The following TBC1D19 variants were observed in gnomAD, a reference collection of about 807,000 sequenced individuals.
TBC1D19 encodes TBC1 domain family member 19.
TBC1D19 carries 60 observed loss-of-function variants against 89.0 expected under a neutral mutation model. The observed-to-expected ratio is 0.67, with a 90% confidence interval of 0.55 to 0.84. The LOEUF (loss-of-function observed/expected upper bound fraction) is 0.84, where lower values mean the gene tolerates loss of function less well. Among genes scored for constraint, TBC1D19 ranks in the 40% least tolerant of loss-of-function variants. The pLI, the probability that TBC1D19 is intolerant of heterozygous loss-of-function variation, is 0.00. For synonymous variants in TBC1D19, 189 were observed against 199.7 expected (o/e 0.95, Z 0.45); for missense variants, 500 against 610.8 (o/e 0.82, Z 1.91).
At chr4:26,738,736 C>G (rs1172467421) in intron 16 of TBC1D19, among the ~76,000 whole-genome samples, 2 of 152,012 alleles carry the variant, frequency 1.3e-5, no homozygotes, top group African/African-American at 4.8e-5. Flanking sequence ...TAAAAATTCT[C>G]ACTTGCAATG....
chr4:26,635,598 T>C (rs1305971542), intron 4 of TBC1D19, among the ~76,000 whole-genome samples: 1 of 152,160 alleles, frequency 6.6e-6, no homozygotes, highest in East Asian at 1.9e-4. Flanking sequence ...AGAAGAATTT[T>C]TTCTGTTCAG....
At chr4:26,633,040 A>G (rs1742895985) in intron 4 of TBC1D19, among the ~76,000 whole-genome samples, 1 of 152,042 alleles carries the variant, frequency 6.6e-6, no homozygotes, top group Non-Finnish European at 1.5e-5. Flanking sequence ...AATCTCTTTC[A>G]TTATTTCCTT....
the TBC1D19 span, among the ~76,000 whole-genome samples, chr4:26,800,886 C>A: frequency 1.3e-5 from 2 of 152,244 alleles, no homozygotes; most frequent in Non-Finnish European, 2.9e-5. Context: ...TGTTTGAGTT[C>A]ATTGTAGATT....
At chr4:26,671,932 A>C (rs1049524626) in intron 9 of TBC1D19, among the ~76,000 whole-genome samples, 1 of 151,822 alleles carries the variant, frequency 6.6e-6, no homozygotes, top group Non-Finnish European at 1.5e-5. Context: ...TTCATTCATC[A>C]ATTTTTTTGT....
At chr4:26,813,158 T>C in the TBC1D19 span, among the ~76,000 whole-genome samples, 10 of 152,022 alleles carry the variant, frequency 6.6e-5, no homozygotes, top group African/African-American at 2.4e-4. Context: ...AGGTTGAGGT[T>C]GCAGTGAACA....
chr4:26,682,891 A>G (rs969225851), intron 11 of TBC1D19, among the ~76,000 whole-genome samples: 8 of 151,582 alleles, frequency 5.3e-5, no homozygotes, highest in African/African-American at 1.9e-4. Context: ...GCCTAATCTC[A>G]TCGTTGTGCA....
chr4:26,807,637 C>CTGCA, the TBC1D19 span, among the ~76,000 whole-genome samples: 1 of 152,238 alleles, frequency 6.6e-6, no homozygotes, highest in Non-Finnish European at 1.5e-5. Flanking sequence ...TCTCTCCCAT[C>CTGCA]TGCATGTGGC....
chr4:26,708,610 G>A (rs1035558254), intron 13 of TBC1D19, among the ~76,000 whole-genome samples: 5 of 151,802 alleles, frequency 3.3e-5, no homozygotes, highest in African/African-American at 9.7e-5. Context: ...CTTGCATATC[G>A]GTTGGCTTGA....
chr4:26,725,203 T>C (rs1375390170), intron 15 of TBC1D19, among the ~76,000 whole-genome samples: 1 of 152,176 alleles, frequency 6.6e-6, no homozygotes, highest in African/African-American at 2.4e-5. Context: ...TAAAATGCCA[T>C]ATGCTCTCTT....
At chr4:26,626,029 T>A (rs1742373256) in intron 4 of TBC1D19, among the ~76,000 whole-genome samples, 2 of 152,176 alleles carry the variant, frequency 1.3e-5, no homozygotes. Flanking sequence ...GGGAGGGGTA[T>A]CTACATAAAT....
At chr4:26,762,522 A>G in the TBC1D19 span, among the ~76,000 whole-genome samples, 1 of 152,128 alleles carries the variant, frequency 6.6e-6, no homozygotes, top group Non-Finnish European at 1.5e-5. Flanking sequence ...AGTACCCCCT[A>G]TGAAAATAGA....
intron 15 of TBC1D19, among the ~76,000 whole-genome samples, chr4:26,729,671 G>A (rs1717529651): frequency 6.6e-6 from 1 of 152,146 alleles, no homozygotes; most frequent in Admixed American, 6.5e-5. Context: ...ATACTACGGA[G>A]AGTATGGAGT....
chr4:26,805,526 G>C, the TBC1D19 span, among the ~76,000 whole-genome samples: 9 of 152,130 alleles, frequency 5.9e-5, no homozygotes, highest in African/African-American at 1.9e-4. Context: ...ATCTTCTTCA[G>C]GGTATCCTCA....
chr4:26,809,295 C>A, the TBC1D19 span, among the ~76,000 whole-genome samples: 1 of 152,302 alleles, frequency 6.6e-6, no homozygotes, highest in African/African-American at 2.4e-5. Flanking sequence ...GCTAGGGCTT[C>A]CTTGGCCTCT....
intron 7 of TBC1D19, among the ~76,000 whole-genome samples, chr4:26,646,532 A>AT (rs1276051804): frequency 1.3e-5 from 2 of 152,248 alleles, no homozygotes; most frequent in African/African-American, 2.4e-5. Context: ...TTGCGGTACT[A>AT]TTCACAATAG....
rs984518220 is a variant in TBC1D19 at position 26,642,806 on chromosome 4, A to T, written c.480+2619A>T. ...CTAGTCTCTGATAAAACAGACTTTA[A>T]ACAAACAAAGATCAAAAGAGACAAA... is the stretch of plus-strand genomic sequence containing the variant. On this transcript the variant is annotated intron_variant, in intron 7 of 20. Coordinates refer to ENST00000264866, the MANE Select transcript of TBC1D19 (RefSeq NM_018317.4). 9.7e-5 allele frequency among the ~76,000 whole-genome samples: 13 copies of T among 133,534 alleles called. No homozygotes were observed. The East Asian group carries it at 1.4e-3, about 14-fold the overall frequency. The allele number at this position is 133,534 out of a possible 152,430, so 87.6% of individuals were successfully genotyped here. A position where few individuals can be genotyped will look rare whatever the true frequency, so the allele number is the denominator to read the frequency against.
At chr4:26,649,336 T>G (rs1368952504) in intron 7 of TBC1D19, among the ~76,000 whole-genome samples, 4 of 152,124 alleles carry the variant, frequency 2.6e-5, no homozygotes, top group Non-Finnish European at 5.9e-5. Context: ...TTTTTCCCAA[T>G]ACCCCCAGCA....
chr4:26,776,882 C>T, the TBC1D19 span, among the ~76,000 whole-genome samples: 47 of 152,122 alleles, frequency 3.1e-4, 1 homozygote, highest in South Asian at 8.5e-3. Flanking sequence ...TTTTCCTTTT[C>T]ATTAAGCCAA....
chr4:26,668,422 C>T (rs1711999968), intron 9 of TBC1D19, among the ~76,000 whole-genome samples: 1 of 151,876 alleles, frequency 6.6e-6, no homozygotes, highest in Non-Finnish European at 1.5e-5. Context: ...TTTTGAGACC[C>T]TGCTGAGGGC....
Sources: allele counts gnomAD v4.1 joint callset (sites outside exome capture counted in the v4.1 genomes callset), GRCh38; gene constraint gnomAD v4.1.1; transcripts MANE v1.5; gene names NCBI Gene and HGNC (gene_info 2026-07-23, HGNC 2026-07-21).